Variants in EHMT1 observed in about 807,000 individuals in gnomAD.
The protein encoded by EHMT1 is histone-lysine N-methyltransferase EHMT1.
In EHMT1, 15 loss-of-function variants were observed where a neutral mutation model predicts 147.2. That is an observed-to-expected ratio of 0.10 (90% CI 0.07 to 0.16). The LOEUF is 0.16. EHMT1 is among the 10% of genes least tolerant of loss of function. The pLI is 1.00. For synonymous variants in EHMT1, 795 were observed against 709.6 expected (o/e 1.12, Z -1.91); for missense variants, 1,587 against 1,772.4 (o/e 0.90, Z 1.88).
At chr9:137,726,512 G>A (rs893568012) in intron 3 of EHMT1, among the ~76,000 whole-genome samples, 1 of 151,622 alleles carries the variant, frequency 6.6e-6, no homozygotes. Context: ...TTGCTGATCC[G>A]TTCGCCCGAC....
intron 1 of EHMT1, among the ~76,000 whole-genome samples, chr9:137,687,676 G>A (rs775622380): frequency 7.9e-5 from 12 of 152,208 alleles, no homozygotes; most frequent in African/African-American, 1.7e-4. Flanking sequence ...CCCGTCACGC[G>A]AGGACACGGC....
chr9:137,669,102 G>C (rs1161627772), intron 1 of EHMT1, among the ~76,000 whole-genome samples: 2 of 152,116 alleles, frequency 1.3e-5, no homozygotes, highest in South Asian at 2.1e-4. Flanking sequence ...GGGCAAGATC[G>C]TCTTGAACTC....
At chr9:137,820,450 C>CT (rs1955317353) in intron 25 of EHMT1, among the ~76,000 whole-genome samples, 1 of 152,222 alleles carries the variant, frequency 6.6e-6, no homozygotes, top group South Asian at 2.1e-4. Flanking sequence ...CTCTCTATGA[C>CT]TTTTTCATTT....
chr9:137,716,587 G>T, intron 2 of EHMT1, 39 bp from the exon 3 acceptor site: 1 of 1,528,710 alleles, frequency 6.5e-7, no homozygotes, highest in South Asian at 1.3e-5. Context: ...CATGGAGAGC[G>T]TGGCCTGCAG....
intron 6 of EHMT1, among the ~76,000 whole-genome samples, chr9:137,744,609 C>T (rs766087077): frequency 1.3e-5 from 2 of 152,224 alleles, no homozygotes; most frequent in African/African-American, 2.4e-5. Flanking sequence ...TGAGCCACGG[C>T]GCCCGCCCTC....
intron 1 of EHMT1, among the ~76,000 whole-genome samples, chr9:137,680,258 G>T (rs1249086730): frequency 6.6e-6 from 1 of 152,124 alleles, no homozygotes; most frequent in Admixed American, 6.5e-5. Flanking sequence ...TGGATCACTT[G>T]AGGCCAGGAG....
At chr9:137,749,492 C>T (rs1219117949) in intron 6 of EHMT1, among the ~76,000 whole-genome samples, 1 of 151,990 alleles carries the variant, frequency 6.6e-6, no homozygotes, top group Non-Finnish European at 1.5e-5. Context: ...AGTCGACAGC[C>T]TCTCACTATG....
Position 137,705,670 on chromosome 9 carries a change from C to T in EHMT1, c.22-5297C>T, listed in dbSNP as rs906446916. Among the ~76,000 whole-genome samples the T allele has an allele frequency of 5.9e-5, 9 of 152,192 alleles. No homozygotes were observed. The East Asian group carries it at 1.2e-3, about 20-fold the overall frequency. On this transcript the variant is annotated intron_variant, in intron 1 of 26. Coordinates refer to ENST00000460843, the MANE Select transcript of EHMT1 (RefSeq NM_024757.5). ...CTCTGTGGTTAGCAGGTGCAACCCACGCGGAAGGGGAGGAGGGGTTTCCTG... is the reference window on the plus strand; with the variant it reads ...CTCTGTGGTTAGCAGGTGCAACCCATGCGGAAGGGGAGGAGGGGTTTCCTG...
intron 1 of EHMT1, among the ~76,000 whole-genome samples, chr9:137,626,491 C>A (rs1021534975): frequency 6.0e-5 from 9 of 149,930 alleles, no homozygotes; most frequent in South Asian, 2.1e-4. Flanking sequence ...CCACTGCACT[C>A]CAGCCTGGGT....
chr9:137,829,627 G>T (rs1956058076), intron 25 of EHMT1, among the ~76,000 whole-genome samples: 1 of 152,240 alleles, frequency 6.6e-6, no homozygotes, highest in Non-Finnish European at 1.5e-5. Context: ...GCTGTCCCTT[G>T]TATGATACTT....
rs574514175 is a variant in EHMT1, at chr9:137,717,116, G to A, written c.576G>A (p.Pro192=). The A allele has an allele frequency of 1.9e-4, 306 of 1,612,530 alleles. 2 individuals are homozygous for A. The Middle Eastern group carries it at 4.3e-3, about 23-fold the overall frequency. The change falls in exon 3 of 27, where the codon CCG becomes CCA. Residue 192 remains proline, a synonymous_variant. Coordinates refer to ENST00000460843, the MANE Select transcript of EHMT1 (RefSeq NM_024757.5). ...CTGACACAGAGGACAGGAAGCTCCC[G>A]GCCCCTGGCGCCGACGTCAAGGTCC... ...GSADTEDRKL[P]APGADVKVHR...
chr9:137,656,772 C>T (rs941763166), intron 1 of EHMT1, among the ~76,000 whole-genome samples: 4 of 151,984 alleles, frequency 2.6e-5, no homozygotes, highest in Admixed American at 1.3e-4. Flanking sequence ...GACAGCGTCT[C>T]GCTATTCCCC....
intron 3 of EHMT1, among the ~76,000 whole-genome samples, chr9:137,727,431 A>G (rs1946735675): frequency 1.3e-5 from 2 of 152,202 alleles, no homozygotes; most frequent in Admixed American, 1.3e-4. Flanking sequence ...TAGGTTTTGC[A>G]GTTAGGACTG....
intron 23 of EHMT1, 115 bp from the exon 24 acceptor site, chr9:137,817,324 A>G (rs1954999309): frequency 4.1e-6 from 5 of 1,204,920 alleles, no homozygotes; most frequent in African/African-American, 1.5e-5. Flanking sequence ...CGCTTCGGAT[A>G]CAGAACCAGT....
intron 15 of EHMT1, chr9:137,788,221 G>A: frequency 1.9e-6 from 1 of 537,682 alleles, no homozygotes; most frequent in Non-Finnish European, 3.2e-6. Flanking sequence ...CCCTGGCCAG[G>A]ATGCTCCTCC....
intron 24 of EHMT1, 75 bp downstream of exon 24, chr9:137,817,600 G>T: frequency 6.3e-7 from 1 of 1,588,094 alleles, no homozygotes; most frequent in Non-Finnish European, 8.6e-7. Context: ...TGTACTTCAG[G>T]AAGCCCCTCT....
intron 3 of EHMT1, among the ~76,000 whole-genome samples, chr9:137,719,319 T>A (rs1385800983): frequency 6.6e-6 from 1 of 152,144 alleles, no homozygotes; most frequent in Non-Finnish European, 1.5e-5. Context: ...CTGTCTGCAG[T>A]GACCACAGTG....
chr9:137,817,982 T>A, intron 24 of EHMT1, 78 bp from the exon 25 acceptor site: 1 of 1,350,018 alleles, frequency 7.4e-7, no homozygotes, highest in Non-Finnish European at 1.1e-6. Context: ...TCCCTGTGGC[T>A]GCGGAGTCTG....
intron 1 of EHMT1, among the ~76,000 whole-genome samples, chr9:137,643,573 C>G (rs1172714380): frequency 1.3e-5 from 2 of 152,048 alleles, no homozygotes; most frequent in Non-Finnish European, 2.9e-5. Context: ...TGGTCTGGAT[C>G]TCCTGACCTC....
Sources: allele counts gnomAD v4.1 joint callset (sites outside exome capture counted in the v4.1 genomes callset), GRCh38; gene constraint gnomAD v4.1.1; transcripts MANE v1.5; gene names NCBI Gene and HGNC (gene_info 2026-07-23, HGNC 2026-07-21).